Variants in KDM4C observed in about 807,000 individuals in gnomAD.
KDM4C encodes lysine demethylase 4C.
A neutral mutation model predicts 129.3 loss-of-function variants in KDM4C; 81 were observed. That is an observed-to-expected ratio of 0.63 (90% CI 0.52 to 0.75). The LOEUF (loss-of-function observed/expected upper bound fraction) is 0.75. Ranked by LOEUF, KDM4C falls within the 30% of genes least tolerant of loss-of-function variation. The pLI, the probability that KDM4C is intolerant of heterozygous loss-of-function variation, is 0.00. For missense variants in KDM4C, 1,457 were observed against 1,304.0 expected (o/e 1.12, Z -1.81); for synonymous variants, 573 against 456.1 (o/e 1.26, Z -3.26).
At chr9:7,009,080 C>G (rs1424951716) in intron 12 of KDM4C, among the ~76,000 whole-genome samples, 17 of 152,022 alleles carry the variant, frequency 1.1e-4, no homozygotes, top group Non-Finnish European at 1.5e-5. Context: ...AAAAGTAATT[C>G]AAAATAATAA....
At position 7,174,895 on chromosome 9, in the gene KDM4C, C is replaced by G; in HGVS notation, c.*166C>G. 1.7e-6 allele frequency: 1 copy of G among 571,702 alleles called. No homozygotes were observed. The highest frequency in any genetic ancestry group is 3.1e-6 in the Non-Finnish European group (1 of 320,410). 35.4% of individuals were successfully genotyped at this position (571,702 alleles called of 1,614,324 possible). A position where few individuals can be genotyped will look rare whatever the true frequency, so the allele number is the denominator to read the frequency against. On this transcript the variant is annotated 3_prime_UTR_variant, in exon 22 of 22. Coordinates refer to ENST00000381309, the MANE Select transcript of KDM4C (RefSeq NM_015061.6). ...GTTTGGTCACCAAAAATACAAAATACACCCAATGAATTGGACGCAGCAATC... is the reference window on the plus strand; with the variant it reads ...GTTTGGTCACCAAAAATACAAAATAGACCCAATGAATTGGACGCAGCAATC...
chr9:7,129,291 T>C (rs1357761361), intron 19 of KDM4C, among the ~76,000 whole-genome samples: 1 of 152,252 alleles, frequency 6.6e-6, no homozygotes, highest in East Asian at 1.9e-4. Flanking sequence ...GAAACATTGA[T>C]TCAGTTAGTT....
At chr9:6,978,990 C>G (rs535865419) in intron 8 of KDM4C, 1 of 152,174 alleles carries the variant, frequency 6.6e-6, no homozygotes, top group Admixed American at 6.5e-5. Context: ...TGTTCTGTAC[C>G]TCACCAGCTT....
At chr9:7,109,809 A>G (rs1838116317) in intron 18 of KDM4C, among the ~76,000 whole-genome samples, 1 of 152,134 alleles carries the variant, frequency 6.6e-6, no homozygotes, top group Non-Finnish European at 1.5e-5. Flanking sequence ...AACCACTTTT[A>G]AATGGTTTGG....
chr9:7,081,778 A>G (rs542350034), intron 17 of KDM4C, among the ~76,000 whole-genome samples: 3 of 152,348 alleles, frequency 2.0e-5, no homozygotes, highest in African/African-American at 7.2e-5. Context: ...GCATGTGTCT[A>G]AAGCCTTGGA....
At chr9:7,061,217 G>C (rs1831617308) in intron 17 of KDM4C, among the ~76,000 whole-genome samples, 1 of 152,178 alleles carries the variant, frequency 6.6e-6, no homozygotes, top group Non-Finnish European at 1.5e-5. Context: ...ATAGGTAATT[G>C]AGGGTTTATG....
At chr9:6,886,322 C>CTT (rs767744199) in intron 6 of KDM4C, among the ~76,000 whole-genome samples, 4 of 142,212 alleles carry the variant, frequency 2.8e-5, no homozygotes, top group Non-Finnish European at 3.1e-5. Flanking sequence ...TCCTTCCTAT[C>CTT]TTTTTTTTTT....
Position 6,758,446 on chromosome 9 carries a change from C to T in KDM4C, c.-18+243C>T, listed in dbSNP as rs1818708494. On this transcript the variant is annotated intron_variant, in intron 1 of 21. Transcript: ENST00000381309. The surrounding 1 kb of genome is among the most constrained non-coding windows in gnomAD (Gnocchi z 4.6). ...GCCCGCTCCGGCCCTTACCGAGGTT[C>T]GGTACCCGCGCTCGCCGTTTTCCCG... 6.6e-6 allele frequency among the ~76,000 whole-genome samples: 1 copy of T among 152,214 alleles called. No individual in the cohort carries two copies. Among genetic ancestry groups the T allele is most frequent in the Non-Finnish European group, 1.5e-5 (1 of 68,036 alleles).
At position 6,939,209 on chromosome 9, in the gene KDM4C, C is replaced by T. The variant is rs557926909; in HGVS notation, c.922-41716C>T. On this transcript the variant is annotated intron_variant, in intron 8 of 21. Coordinates refer to ENST00000381309, the MANE Select transcript of KDM4C (RefSeq NM_015061.6). ...CGCTGGCATTACTGCCTGAGCTCCA[C>T]CTCCTGTCAGATCAGCGGTGGTATT... 7.9e-5 allele frequency among the ~76,000 whole-genome samples: 12 copies of T among 152,100 alleles called. No individual in the cohort carries two copies. In the South Asian group the frequency reaches 1.0e-3, roughly 13 times the overall value.
chr9:7,116,886 C>T (rs914156929), intron 18 of KDM4C, among the ~76,000 whole-genome samples: 6 of 152,106 alleles, frequency 3.9e-5, no homozygotes, highest in Non-Finnish European at 7.4e-5. Context: ...TTTTGTCTCC[C>T]GCTCAAAATG....
At chr9:7,134,172 C>T (rs1385096503) in intron 19 of KDM4C, among the ~76,000 whole-genome samples, 1 of 152,188 alleles carries the variant, frequency 6.6e-6, no homozygotes, top group Non-Finnish European at 1.5e-5. Context: ...GCAGGCATGG[C>T]CCACATGGCC....
At chr9:7,144,363 T>C (rs1842035260) in intron 19 of KDM4C, among the ~76,000 whole-genome samples, 1 of 152,226 alleles carries the variant, frequency 6.6e-6, no homozygotes, top group East Asian at 1.9e-4. Flanking sequence ...GGCTCTGCTT[T>C]TTAATCCCCT....
chr9:6,829,520 G>A (rs546089453), intron 4 of KDM4C, among the ~76,000 whole-genome samples: 29 of 152,342 alleles, frequency 1.9e-4, no homozygotes, highest in African/African-American at 6.5e-4. Context: ...AAACTTTGGA[G>A]ATCATCTGGT....
rs1281433777 is a variant in KDM4C, at chr9:7,174,600, CATT to C, written c.3045_3047del (p.Ile1016del). On this transcript the variant is annotated inframe_deletion, in exon 22 of 22. Transcript: ENST00000381309. ...TTGAAGACACGTTTTATGGAGCAGA[CATT>C]ATCCAAGGGGAGAGAAAGAGACAAA... The C allele has an allele frequency of 1.9e-6, 3 of 1,614,062 alleles. No homozygotes were observed. Among genetic ancestry groups the C allele is most frequent in the Non-Finnish European group, 2.5e-6 (3 of 1,180,016 alleles).
chr9:6,881,976 C>T (rs1844522748), intron 6 of KDM4C, among the ~76,000 whole-genome samples: 1 of 152,214 alleles, frequency 6.6e-6, no homozygotes, highest in African/African-American at 2.4e-5. Context: ...ATTATCTTGT[C>T]TGCGCATCAT....
At chr9:7,037,065 G>A (rs1041245247) in intron 15 of KDM4C, among the ~76,000 whole-genome samples, 2 of 152,126 alleles carry the variant, frequency 1.3e-5, no homozygotes, top group Non-Finnish European at 2.9e-5. Flanking sequence ...CTCCAGCCCT[G>A]ATAATGAGCC....
chr9:6,827,255 A>T (rs571726097), intron 4 of KDM4C, among the ~76,000 whole-genome samples: 2 of 152,350 alleles, frequency 1.3e-5, no homozygotes, highest in African/African-American at 4.8e-5. Context: ...TTCATCTACA[A>T]GGGGAAGAAA....
At chr9:7,102,645 A>T (rs770477412) in intron 17 of KDM4C, among the ~76,000 whole-genome samples, 37 of 152,202 alleles carry the variant, frequency 2.4e-4, no homozygotes, top group Admixed American at 3.9e-4. Flanking sequence ...TTAAATGCAC[A>T]TTGATTCTTG....
chr9:6,801,314 G>A (rs1268627915), intron 2 of KDM4C, among the ~76,000 whole-genome samples: 1 of 124,468 alleles, frequency 8.0e-6, no homozygotes, highest in African/African-American at 3.2e-5. Flanking sequence ...GTGCAGTGGC[G>A]TGATCTTGGC....
Sources: allele counts gnomAD v4.1 joint callset (sites outside exome capture counted in the v4.1 genomes callset), GRCh38; gene constraint gnomAD v4.1.1; non-coding constraint Gnocchi (gnomAD v3.1); transcripts MANE v1.5; gene names NCBI Gene and HGNC (gene_info 2026-07-23, HGNC 2026-07-21).